Variants in ERG observed in about 807,000 individuals in gnomAD.
ERG encodes transcriptional regulator ERG.
A neutral mutation model predicts 55.3 loss-of-function variants in ERG; 9 were observed. That is an observed-to-expected ratio of 0.16 (90% CI 0.10 to 0.28). The LOEUF (loss-of-function observed/expected upper bound fraction) is 0.28, where lower values mean the gene tolerates loss of function less well. ERG is among the 10% of genes least tolerant of loss of function. The pLI is 1.00. For missense variants in ERG, 434 were observed against 631.6 expected (o/e 0.69, Z 3.35); for synonymous variants, 223 against 237.3 (o/e 0.94, Z 0.55).
intron 2 of ERG, among the ~76,000 whole-genome samples, chr21:38,445,138 CTTTTTTTTTT>C (rs77891753): frequency 7.3e-6 from 1 of 136,664 alleles, no homozygotes; most frequent in Non-Finnish European, 1.6e-5. Flanking sequence ...CTTTCTTCTT[CTTTTTTTTTT>C]TTTTTTTTTG....
chr21:38,450,099 A>G (rs1028341067), intron 1 of ERG, among the ~76,000 whole-genome samples: 1 of 152,128 alleles, frequency 6.6e-6, no homozygotes, highest in Non-Finnish European at 1.5e-5. Context: ...CTTAAAAAAA[A>G]AAAAATCTTG....
At chr21:38,513,100 G>A (rs569252923) in intron 2 of ERG, among the ~76,000 whole-genome samples, 2 of 149,894 alleles carry the variant, frequency 1.3e-5, no homozygotes, top group South Asian at 4.3e-4. Context: ...CACTGCACTC[G>A]AGCCTGACAA....
At chr21:38,650,315 AC>A (rs925155440) in intron 1 of ERG, among the ~76,000 whole-genome samples, 31 of 152,334 alleles carry the variant, frequency 2.0e-4, no homozygotes, top group African/African-American at 6.7e-4. Flanking sequence ...CTTACTTTGC[AC>A]AAAAAATTAA....
chr21:38,403,439 C>G, intron 4 of ERG, 67 bp downstream of exon 4: 1 of 1,509,546 alleles, frequency 6.6e-7, no homozygotes, highest in South Asian at 1.1e-5. Flanking sequence ...CTGGTTGAAC[C>G]CTCTGAAGCT....
At chr21:38,558,680 C>T (rs13047722) in intron 2 of ERG, among the ~76,000 whole-genome samples, 3,490 of 152,188 alleles carry the variant, frequency 0.023, 58 homozygotes, top group Non-Finnish European at 0.036. Context: ...TATCACGTAT[C>T]AATAAGGAAA....
intron 3 of ERG, among the ~76,000 whole-genome samples, chr21:38,411,145 T>C (rs1415783820): frequency 6.6e-6 from 1 of 152,150 alleles, no homozygotes; most frequent in Non-Finnish European, 1.5e-5. Context: ...TGAGCAATGA[T>C]TCACTCCATC....
chr21:38,552,984 T>C (rs544222389), intron 2 of ERG, among the ~76,000 whole-genome samples: 53 of 105,084 alleles, frequency 5.0e-4, no homozygotes, highest in African/African-American at 1.6e-3. Flanking sequence ...AAAAACAATT[T>C]CACAACGTTT....
At chr21:38,493,093 T>C (rs1374474645) in intron 1 of ERG, among the ~76,000 whole-genome samples, 1 of 152,084 alleles carries the variant, frequency 6.6e-6, no homozygotes. Context: ...AATTGGCAAA[T>C]ATTTAAATTT....
intron 2 of ERG, among the ~76,000 whole-genome samples, chr21:38,555,209 C>A (rs1038327731): frequency 6.6e-6 from 1 of 151,978 alleles, no homozygotes; most frequent in African/African-American, 2.4e-5. Flanking sequence ...CGCCTGTAAT[C>A]CCAGCTACTC....
chr21:38,498,680 G>C (rs994783615), upstream of ERG, among the ~76,000 whole-genome samples: 19 of 152,076 alleles, frequency 1.2e-4, no homozygotes, highest in Non-Finnish European at 2.4e-4. This position sits in a 1 kb window ranked among gnomAD's most constrained non-coding sequence, Gnocchi z 4.6. Flanking sequence ...AATTGGGATG[G>C]GGACTGCCAC....
intron 2 of ERG, among the ~76,000 whole-genome samples, chr21:38,574,676 G>C (rs1005393441): frequency 6.6e-6 from 1 of 152,136 alleles, no homozygotes; most frequent in Non-Finnish European, 1.5e-5. Flanking sequence ...ATTCAAAAAG[G>C]TACACTTTTC....
chr21:38,396,361 A>G (rs1047190558), intron 6 of ERG, among the ~76,000 whole-genome samples: 1 of 152,224 alleles, frequency 6.6e-6, no homozygotes, highest in African/African-American at 2.4e-5. Flanking sequence ...AATTTTAGCC[A>G]TTTGCTAAGA....
chr21:38,485,910 T>C (rs12481801), intron 1 of ERG, among the ~76,000 whole-genome samples: 144,623 of 151,936 alleles, frequency 0.95, 68,936 homozygotes, highest in Middle Eastern at 0.99. Context: ...TACAGGTGTA[T>C]CATTTTTTTC....
intron 2 of ERG, among the ~76,000 whole-genome samples, chr21:38,554,486 C>T (rs1246027404): frequency 6.6e-6 from 1 of 152,186 alleles, no homozygotes; most frequent in Non-Finnish European, 1.5e-5. Context: ...GAATACTACA[C>T]AGCCATAAAA....
chr21:38,640,226 T>G (rs2060415683), intron 1 of ERG, among the ~76,000 whole-genome samples: 1 of 152,164 alleles, frequency 6.6e-6, no homozygotes. Flanking sequence ...AATCGAACAT[T>G]ACAGCACACT....
At position 38,381,623 on chromosome 21, in the gene ERG, C is replaced by T. The variant is rs1332704227; in HGVS notation, c.*1780G>A. The T allele has an allele frequency of 6.2e-5, 66 of 1,063,148 alleles. No individual in the cohort carries two copies. Among genetic ancestry groups the T allele is most frequent in the Non-Finnish European group, 7.4e-5 (65 of 878,008 alleles). 65.9% of individuals were successfully genotyped at this position (1,063,148 alleles called of 1,614,324 possible). A position where few individuals can be genotyped will look rare whatever the true frequency, so the allele number is the denominator to read the frequency against. ...GACGCTTTATTTGCCAGTAATAATA[C>T]AGTTTGCCTTACGAGTGGTAGCTTG... On this transcript the variant is annotated 3_prime_UTR_variant, in exon 10 of 10. Coordinates refer to ENST00000288319, the MANE Select transcript of ERG (RefSeq NM_182918.4).
intron 1 of ERG, among the ~76,000 whole-genome samples, chr21:38,462,825 A>G (rs1395833156): frequency 6.6e-6 from 1 of 152,178 alleles, no homozygotes; most frequent in Non-Finnish European, 1.5e-5. Flanking sequence ...TCAGCTACAC[A>G]GCACACATCT....
At chr21:38,655,110 CTTA>C (rs1275517491) in intron 1 of ERG, among the ~76,000 whole-genome samples, 4 of 152,168 alleles carry the variant, frequency 2.6e-5, no homozygotes, top group African/African-American at 9.7e-5. Context: ...ACATCCTTCA[CTTA>C]TTATTTATAC....
At chr21:38,593,392 T>C (rs1242602183) in intron 1 of ERG, among the ~76,000 whole-genome samples, 3 of 152,248 alleles carry the variant, frequency 2.0e-5, no homozygotes, top group African/African-American at 4.8e-5. Context: ...ATTTAGTCAT[T>C]TTACAAGAGC....
Sources: gnomAD v4.1 joint callset for allele counts (sites outside exome capture counted in the v4.1 genomes callset) on GRCh38, gnomAD v4.1.1 for gene constraint, Gnocchi (gnomAD v3.1) non-coding constraint, MANE v1.5 for transcripts, NCBI Gene and HGNC (gene_info 2026-07-23, HGNC 2026-07-21) for gene names.